The following THSD4 variants were observed in gnomAD, a reference collection of about 807,000 sequenced individuals.
THSD4 encodes the protein thrombospondin type-1 domain-containing protein 4.
A neutral mutation model predicts 119.0 loss-of-function variants in THSD4; 69 were observed. The ratio of observed to expected loss-of-function variants is 0.58; its 90% confidence interval spans 0.48 to 0.71. The LOEUF (loss-of-function observed/expected upper bound fraction) is 0.71. Ranked by LOEUF, THSD4 falls within the 30% of genes least tolerant of loss-of-function variation. The pLI is 0.00. For synonymous variants in THSD4, 524 were observed against 540.4 expected (o/e 0.97, Z 0.42); for missense variants, 1,393 against 1,391.1 (o/e 1.00, Z -0.02).
chr15:71,136,093 C>T lies in THSD4; in HGVS notation c.-79-5356C>T, dbSNP rs560308936. ...CCCGTTACTTATCCAGGTGCTGGTT[C>T]CCTGTGTCTGAGCTACCCTAGACCC... is the stretch of plus-strand genomic sequence containing the variant. On this transcript the variant is annotated intron_variant, in intron 1 of 17. Transcript: ENST00000261862. Among the ~76,000 whole-genome samples the T allele has an allele frequency of 6.5e-4, 96 of 147,066 alleles. 5 individuals carry two copies. The highest frequency in any genetic ancestry group is 2.9e-3 in the South Asian group (13 of 4,498).
At chr15:71,466,730 G>A (rs998530005) in intron 7 of THSD4, among the ~76,000 whole-genome samples, 3 of 152,288 alleles carry the variant, frequency 2.0e-5, no homozygotes, top group African/African-American at 7.2e-5. Flanking sequence ...TTGGAGCCAG[G>A]GCTGTCTTTC....
chr15:71,599,024 C>T (rs555381084), intron 7 of THSD4, among the ~76,000 whole-genome samples: 18 of 152,260 alleles, frequency 1.2e-4, no homozygotes, highest in Non-Finnish European at 2.2e-4. Context: ...ATCCGATTTG[C>T]TCCGACCTTT....
chr15:71,574,566 G>A (rs2049414059), intron 7 of THSD4, among the ~76,000 whole-genome samples: 1 of 152,122 alleles, frequency 6.6e-6, no homozygotes, highest in Non-Finnish European at 1.5e-5. Flanking sequence ...AACTAAGTCA[G>A]CAGCGATGGC....
chr15:71,359,764 C>G (rs1252384138), intron 6 of THSD4, among the ~76,000 whole-genome samples: 1 of 152,164 alleles, frequency 6.6e-6, no homozygotes, highest in Non-Finnish European at 1.5e-5. Flanking sequence ...GAGCCAAGAT[C>G]TTGCCACTGC....
At chr15:71,630,016 G>T (rs1339894872) in intron 7 of THSD4, among the ~76,000 whole-genome samples, 1 of 152,136 alleles carries the variant, frequency 6.6e-6, no homozygotes, top group African/African-American at 2.4e-5. Flanking sequence ...CCTGTCTCTA[G>T]TTGGAATCTC....
chr15:71,353,189 A>G (rs1207124153), intron 6 of THSD4, among the ~76,000 whole-genome samples: 1 of 152,250 alleles, frequency 6.6e-6, no homozygotes, highest in East Asian at 1.9e-4. Flanking sequence ...GAGTGCGTCT[A>G]CACTTTAAGC....
rs546038072 is a variant in THSD4 at position 71,744,895 on chromosome 15, T to C, written c.1907-211T>C. 7.2e-5 allele frequency among the ~76,000 whole-genome samples: 11 copies of C among 152,322 alleles called. No homozygotes were observed. The South Asian group carries it at 1.7e-3, about 23-fold the overall frequency. ...ATTCCTTTTAGGGCAGGCTCTTCTT[T>C]GCACCCCCACAGTTCCTAGCAAAGA... is the stretch of plus-strand genomic sequence containing the variant. On this transcript the variant is annotated intron_variant, in intron 11 of 17. Transcript: ENST00000261862.
intron 6 of THSD4, among the ~76,000 whole-genome samples, chr15:71,326,700 AAT>A (rs71154759): frequency 0.024 from 155 of 6,452 alleles, 12 homozygotes; most frequent in East Asian, 0.074. Flanking sequence ...AAAAAAAAAA[AAT>A]ATATATATAT....
intron 1 of THSD4, among the ~76,000 whole-genome samples, chr15:71,123,117 G>A (rs1190601043): frequency 6.6e-6 from 1 of 152,210 alleles, no homozygotes; most frequent in Non-Finnish European, 1.5e-5. Flanking sequence ...TACTGTTCGA[G>A]TGGTGACTTT....
At chr15:71,120,449 G>A (rs925267282) in intron 1 of THSD4, among the ~76,000 whole-genome samples, 1 of 152,094 alleles carries the variant, frequency 6.6e-6, no homozygotes, top group Non-Finnish European at 1.5e-5. Flanking sequence ...AGGCATTGGC[G>A]CCCATTAGCC....
intron 5 of THSD4, among the ~76,000 whole-genome samples, chr15:71,245,182 A>G (rs2044189282): frequency 6.6e-6 from 1 of 152,200 alleles, no homozygotes. Flanking sequence ...AAAGAAGTAC[A>G]TGTTGACACG....
At chr15:71,471,637 C>T (rs1455403178) in intron 7 of THSD4, among the ~76,000 whole-genome samples, 1 of 151,526 alleles carries the variant, frequency 6.6e-6, no homozygotes, top group Non-Finnish European at 1.5e-5. Flanking sequence ...TCAGACATGC[C>T]TGGCTCCACT....
intron 1 of THSD4, among the ~76,000 whole-genome samples, chr15:71,131,076 A>C (rs2141361592): frequency 6.6e-6 from 1 of 152,284 alleles, no homozygotes; most frequent in South Asian, 2.1e-4. Flanking sequence ...CTTTAGTCCT[A>C]GCTTTGCCTC....
chr15:71,608,249 TACACACACAC>T (rs55892951), intron 7 of THSD4, among the ~76,000 whole-genome samples: 92 of 106,236 alleles, frequency 8.7e-4, no homozygotes, highest in African/African-American at 2.4e-3. Context: ...TATATATATA[TACACACACAC>T]ACACACACAC....
rs76936140 is a variant in THSD4, at chr15:71,433,733, A to G, written c.1152+21910A>G. 4.5e-3 allele frequency among the ~76,000 whole-genome samples: 688 copies of G among 152,194 alleles called. 5 individuals carry two copies. Among genetic ancestry groups the G allele is most frequent in the African/African-American group, 0.016 (660 of 41,546 alleles). ...TGCCAGGAGGATCCAACCCTTCCCA[A>G]CATGGCCAGGAGACAGAGTTGGGCC... On this transcript the variant is annotated intron_variant, in intron 7 of 17. Coordinates refer to ENST00000261862, the MANE Select transcript of THSD4 (RefSeq NM_024817.3).
intron 7 of THSD4, among the ~76,000 whole-genome samples, chr15:71,574,552 C>T (rs968155094): frequency 1.3e-5 from 2 of 152,136 alleles, no homozygotes; most frequent in Non-Finnish European, 2.9e-5. Context: ...AATCTCCTTT[C>T]ACTAACTAAG....
At chr15:71,747,229 G>C (rs1416126985) in intron 13 of THSD4, among the ~76,000 whole-genome samples, 187 bp downstream of exon 13, 1 of 152,176 alleles carries the variant, frequency 6.6e-6, no homozygotes, top group African/African-American at 2.4e-5. Context: ...GTTCAGGGTA[G>C]TGTGTGCCAC....
intron 7 of THSD4, among the ~76,000 whole-genome samples, chr15:71,540,564 G>T (rs1415687277): frequency 6.9e-6 from 1 of 144,044 alleles, no homozygotes; most frequent in Admixed American, 7.1e-5. Context: ...GAGTAGATGG[G>T]ATTACAAGCA....
intron 7 of THSD4, among the ~76,000 whole-genome samples, chr15:71,484,954 C>G (rs2047792595): frequency 6.6e-6 from 1 of 152,210 alleles, no homozygotes; most frequent in African/African-American, 2.4e-5. Context: ...GTCCTCTCTT[C>G]TACCCCTGAC....
Sources: allele counts gnomAD v4.1 joint callset (sites outside exome capture counted in the v4.1 genomes callset), GRCh38; gene constraint gnomAD v4.1.1; transcripts MANE v1.5; gene names NCBI Gene and HGNC (gene_info 2026-07-23, HGNC 2026-07-21).